PCDHGA8: variants seen among roughly 807,000 people sequenced by gnomAD.
The protein encoded by PCDHGA8 is protocadherin gamma subfamily A, 8.
In PCDHGA8, 45 loss-of-function variants were observed where a neutral mutation model predicts 59.2. That is an observed-to-expected ratio of 0.76 (90% confidence interval 0.60 to 0.98). PCDHGA8 has a LOEUF of 0.98. Ranked by LOEUF, PCDHGA8 falls within the 50% of genes least tolerant of loss-of-function variation. The pLI is 0.00. For synonymous variants in PCDHGA8, 531 were observed against 519.0 expected (o/e 1.02, Z -0.32); for missense variants, 1,257 against 1,196.2 (o/e 1.05, Z -0.75).
intron 1 of PCDHGA8, chr5:141,398,503 A>G (rs2093664041): frequency 1.9e-6 from 3 of 1,601,316 alleles, no homozygotes; most frequent in Non-Finnish European, 1.7e-6. Flanking sequence ...GATCGAGGAC[A>G]TTAATGACCA....
rs953803165 is a variant in PCDHGA8, at chr5:141,392,978, C to A, written c.165C>A (p.Asp55Glu). 2.5e-6 allele frequency: 4 copies of A among 1,613,808 alleles called. No individual in the cohort carries two copies. The highest frequency in any genetic ancestry group is 1.7e-4 in the Middle Eastern group (1 of 6,054). Reference sequence around the variant, plus strand: ...ATATCTCCAAGGACCTGGGGCTGGACCCCCGGAAGCTGGCGAAGCACGGAG... The same window carrying A: ...ATATCTCCAAGGACCTGGGGCTGGAACCCCGGAAGCTGGCGAAGCACGGAG... ...VGNISKDLGLDPRKLAKHGVR... is the reference protein window; with the variant it reads ...VGNISKDLGLEPRKLAKHGVR... Residue 55 changes from aspartate (D) to glutamate (E), a missense_variant, in exon 1 of 4, where the codon GAC becomes GAA. Asp to Glu is a conservative substitution (Grantham distance 45, BLOSUM62 2). Coordinates refer to ENST00000398604, the MANE Select transcript of PCDHGA8 (RefSeq NM_032088.2).
intron 1 of PCDHGA8, among the ~76,000 whole-genome samples, chr5:141,451,387 T>C (rs1039738460): frequency 6.6e-6 from 1 of 152,116 alleles, no homozygotes; most frequent in African/African-American, 2.4e-5. Flanking sequence ...TCTCACATAG[T>C]TAATGGCAAA....
chr5:141,460,416 A>C (rs966481039), intron 1 of PCDHGA8, among the ~76,000 whole-genome samples: 1 of 152,138 alleles, frequency 6.6e-6, no homozygotes, highest in African/African-American at 2.4e-5. Flanking sequence ...GTTGATGTTT[A>C]TGTATGGTGT....
In PCDHGA8 at chr5:141,463,518, G is replaced by A. The variant is rs537466389; in HGVS notation, c.2425-31289G>A. 5.7e-5 allele frequency among the ~76,000 whole-genome samples: 8 copies of A among 139,140 alleles called. No individual in the cohort carries two copies. The East Asian group carries it at 1.3e-3, about 22-fold the overall frequency. The allele number at this position is 139,140 out of a possible 152,430, so 91.3% of individuals were successfully genotyped here. On this transcript the variant is annotated intron_variant, in intron 1 of 3. Coordinates refer to ENST00000398604, the MANE Select transcript of PCDHGA8 (RefSeq NM_032088.2). The stretch of plus-strand genomic sequence containing the variant: ...GGCTGGAGTGACGTGGCGTGATCTC[G>A]GCTTACTAGAAACTCCGGCTCCCGG...
At chr5:141,497,214 G>C (rs929868102) in intron 2 of PCDHGA8, among the ~76,000 whole-genome samples, 2 of 152,138 alleles carry the variant, frequency 1.3e-5, no homozygotes, top group African/African-American at 4.8e-5. Flanking sequence ...TGTAATGGGG[G>C]GGGGAAGATC....
chr5:141,433,592 T>C (rs1043652093), intron 1 of PCDHGA8, among the ~76,000 whole-genome samples: 5 of 152,020 alleles, frequency 3.3e-5, no homozygotes, highest in Non-Finnish European at 7.4e-5. Context: ...TCCCAGTACT[T>C]TGGGAGGCCG....
intron 3 of PCDHGA8, among the ~76,000 whole-genome samples, chr5:141,509,338 C>T (rs2099876319): frequency 6.6e-6 from 1 of 152,188 alleles, no homozygotes; most frequent in Admixed American, 6.5e-5. Flanking sequence ...CCAGCTGGGC[C>T]TGGGCTGGCC....
chr5:141,432,196 C>G lies in PCDHGA8; in HGVS notation c.2424+36959C>G, dbSNP rs200790843. ...TCGTCTCTGTGACCGCCCACGACCC[C>G]GACTGTGAAGAGAACGCCCAGATCA... On this transcript the variant is annotated intron_variant, in intron 1 of 3. Transcript: ENST00000398604. The surrounding 1 kb of genome is among the most constrained non-coding windows in gnomAD (Gnocchi z 6.0). The G allele has an allele frequency of 6.2e-7, 1 of 1,614,192 alleles. No individual in the cohort carries two copies. Among genetic ancestry groups the G allele is most frequent in the East Asian group, 2.2e-5 (1 of 44,880 alleles).
intron 1 of PCDHGA8, among the ~76,000 whole-genome samples, chr5:141,481,782 T>C (rs1348977678): frequency 6.6e-6 from 1 of 152,008 alleles, no homozygotes; most frequent in African/African-American, 2.4e-5. Context: ...TGAAACCCCG[T>C]CTCTACTAAA....
chr5:141,404,736 A>G, intron 1 of PCDHGA8: 1 of 1,613,622 alleles, frequency 6.2e-7, no homozygotes, highest in Non-Finnish European at 8.5e-7. Context: ...GTGGCAGTGG[A>G]CAGAGACTCA....
intron 1 of PCDHGA8, among the ~76,000 whole-genome samples, chr5:141,434,518 T>C (rs2097700303): frequency 6.6e-6 from 1 of 152,188 alleles, no homozygotes; most frequent in Admixed American, 6.5e-5. Flanking sequence ...CTTAAAGGTG[T>C]TCTTAAACCA....
In PCDHGA8 at chr5:141,393,832, T is replaced by C. The variant is rs953592252; in HGVS notation, c.1019T>C (p.Val340Ala). ...RTKLLISVED[V>A]NDNRPEVIIT... is the part of the protein sequence containing the mutation. Reference sequence around the variant, plus strand: ...AAATTGCTCATTTCGGTGGAAGATGTAAATGACAATAGACCAGAAGTGATC... The same window carrying C: ...AAATTGCTCATTTCGGTGGAAGATGCAAATGACAATAGACCAGAAGTGATC... The change falls in exon 1 of 4, where the codon GTA (valine) becomes GCA (alanine). Residue 340 changes from valine to alanine, a missense_variant. By Grantham distance (64) the Val-to-Ala change is moderately conservative (BLOSUM62 0). Coordinates refer to ENST00000398604, the MANE Select transcript of PCDHGA8 (RefSeq NM_032088.2). 1 of 1,613,866 alleles carries C rather than the reference T, an allele frequency of 6.2e-7. No homozygotes were observed. The highest frequency in any genetic ancestry group is 1.3e-5 in the African/African-American group (1 of 74,928).
chr5:141,510,280 A>G (rs1218058358), intron 3 of PCDHGA8, among the ~76,000 whole-genome samples: 1 of 151,892 alleles, frequency 6.6e-6, no homozygotes, highest in Non-Finnish European at 1.5e-5. Context: ...CTTAAAAAAA[A>G]AAAAAAAAAA....
chr5:141,414,302 A>G (rs2095732200), intron 1 of PCDHGA8: 3 of 1,613,678 alleles, frequency 1.9e-6, no homozygotes, highest in Non-Finnish European at 2.5e-6. Flanking sequence ...TTAAATGTGC[A>G]TGATTTAGAC....
At position 141,503,992 on chromosome 5, in the gene PCDHGA8, A is replaced by G. The variant is rs1419698681; in HGVS notation, c.2484-1401A>G. 2.6e-5 allele frequency among the ~76,000 whole-genome samples: 4 copies of G among 152,116 alleles called. No homozygotes were observed. In the East Asian group the frequency reaches 7.7e-4, roughly 29 times the overall value. ...GGTGCCAAACCCTTCTTCTTACCTTACAGTCACTTAACTGTCTCTGCTGGT... is the reference window on the plus strand; with the variant it reads ...GGTGCCAAACCCTTCTTCTTACCTTGCAGTCACTTAACTGTCTCTGCTGGT... On this transcript the variant is annotated intron_variant, in intron 2 of 3. Transcript: ENST00000398604.
chr5:141,483,750 A>G (rs1453478545), intron 1 of PCDHGA8, among the ~76,000 whole-genome samples: 1 of 152,138 alleles, frequency 6.6e-6, no homozygotes, highest in African/African-American at 2.4e-5. Flanking sequence ...ATTCCTGAGG[A>G]TCGAGGCTTG....
chr5:141,494,316 G>T (rs2099753509), intron 1 of PCDHGA8, among the ~76,000 whole-genome samples: 1 of 152,172 alleles, frequency 6.6e-6, no homozygotes, highest in Admixed American at 6.5e-5. Flanking sequence ...TGCACAACCT[G>T]GCACCAAAAG....
chr5:141,473,848 A>T (rs1281010822), intron 1 of PCDHGA8, among the ~76,000 whole-genome samples: 1 of 152,198 alleles, frequency 6.6e-6, no homozygotes, highest in Non-Finnish European at 1.5e-5. Flanking sequence ...TTTTAGGAAG[A>T]TGAACCTCGC....
intron 1 of PCDHGA8, chr5:141,428,308 G>A (rs2097132099): frequency 1.5e-6 from 1 of 685,734 alleles, no homozygotes; most frequent in Non-Finnish European, 2.6e-6. Context: ...TTACCTGGTC[G>A]TGGCCTTGGC....
Sources: gnomAD v4.1 joint callset for allele counts (sites outside exome capture counted in the v4.1 genomes callset) on GRCh38, gnomAD v4.1.1 for gene constraint, Gnocchi (gnomAD v3.1) non-coding constraint, MANE v1.5 for transcripts, NCBI Gene and HGNC (gene_info 2026-07-23, HGNC 2026-07-21) for gene names.